Variants in KLB observed in about 807,000 individuals in gnomAD.
KLB encodes klotho beta.
In KLB, 44 loss-of-function variants were observed where a neutral mutation model predicts 88.4. The ratio of observed to expected loss-of-function variants is 0.50; its 90% CI spans 0.39 to 0.64. The LOEUF (loss-of-function observed/expected upper bound fraction) is 0.64, where lower values mean the gene tolerates loss of function less well. Among genes scored for constraint, KLB ranks in the 30% least tolerant of loss-of-function variants. The probability of loss-of-function intolerance (pLI) is 0.00; values close to 1 mark genes in which losing one functional copy is unlikely to be tolerated. For synonymous variants in KLB, 548 were observed against 513.4 expected (o/e 1.07, Z -0.91); for missense variants, 1,137 against 1,304.8 (o/e 0.87, Z 1.98).
chr4:39,448,342 T>G lies in KLB; in HGVS notation c.2791T>G (p.Phe931Val). 1.9e-6 allele frequency: 3 copies of G among 1,612,364 alleles called. No homozygotes were observed. The highest frequency in any genetic ancestry group is 2.5e-6 in the Non-Finnish European group (3 of 1,178,672). ...DKVRIKGYYA[F>V]KLAEEKSKPR... ...AGTCAGAATCAAAGGCTATTATGCA[T>G]TCAAACTGGCTGAAGAGAAATCTAA... The change falls in exon 5 of 5, where the codon TTC becomes GTC. Residue 931 changes from phenylalanine (F) to valine (V), a missense_variant. Around this residue, in one of 4 missense-constraint regions of KLB, gnomAD observed 426 missense variants for 404.6 expected, o/e 1.05. Coordinates refer to ENST00000257408, the MANE Select transcript of KLB (RefSeq NM_175737.4).
chr4:39,419,999 A>T (rs976488693), intron 1 of KLB, among the ~76,000 whole-genome samples: 1 of 151,898 alleles, frequency 6.6e-6, no homozygotes, highest in African/African-American at 2.4e-5. Context: ...GATTAAAACT[A>T]CTGAACATTA....
In KLB at chr4:39,434,558, G is replaced by C; in HGVS notation, c.1174G>C (p.Val392Leu). ...CACCATGGCTAAAATGGGACAAAAT[G>C]TTTCACTTAATTTAAGAGAAGCGCT... ...LNTMAKMGQN[V>L]SLNLREALNW... Residue 392 changes from valine to leucine, a missense_variant, in exon 2 of 5, where the codon GTT (valine) becomes CTT (leucine). Around this residue, in one of 4 missense-constraint regions of KLB, gnomAD observed 597 missense variants for 765.2 expected, o/e 0.78. Transcript: ENST00000257408. 6.2e-7 allele frequency: 1 copy of C among 1,614,158 alleles called. No homozygotes were observed. The highest frequency in any genetic ancestry group is 8.5e-7 in the Non-Finnish European group (1 of 1,180,032).
In KLB at chr4:39,448,483, C is replaced by CA. The variant is rs1434652520; in HGVS notation, c.2933dup (p.Thr979AspfsTer66). Reference sequence around the variant, plus strand: ...TGAGAACAGTAGTTCTAGATGCAGTCAGACCCAAGAAAATACAGAGTGCAC... The same window carrying CA: ...TGAGAACAGTAGTTCTAGATGCAGTCAAGACCCAAGAAAATACAGAGTGCAC... On this transcript the variant is annotated frameshift_variant, in exon 5 of 5. Coordinates refer to ENST00000257408, the MANE Select transcript of KLB (RefSeq NM_175737.4). LOFTEE classifies it low-confidence loss of function (END_TRUNC). The CA allele has an allele frequency of 1.2e-6, 2 of 1,613,966 alleles. No homozygotes were observed. Among genetic ancestry groups the CA allele is most frequent in the Non-Finnish European group, 1.7e-6 (2 of 1,179,930 alleles).
chr4:39,435,559 G>A (rs1743456364), intron 2 of KLB, among the ~76,000 whole-genome samples: 1 of 152,144 alleles, frequency 6.6e-6, no homozygotes, highest in African/African-American at 2.4e-5. Context: ...CCGAGTAGCT[G>A]GGATTACAGG....
chr4:39,432,885 T>C (rs1743393333), intron 1 of KLB, among the ~76,000 whole-genome samples: 2 of 152,068 alleles, frequency 1.3e-5, no homozygotes. Context: ...TAGGGGATTT[T>C]TTTTTTTTTT....
chr4:39,447,600 T>C (rs191284826), intron 4 of KLB, 125 bp downstream of exon 4: 70 of 766,748 alleles, frequency 9.1e-5, no homozygotes, highest in African/African-American at 1.8e-4. Flanking sequence ...GTCCTGTCAA[T>C]TGAATTTTGT....
At chr4:39,410,126 T>C (rs924067387) in intron 1 of KLB, among the ~76,000 whole-genome samples, 1 of 152,208 alleles carries the variant, frequency 6.6e-6, no homozygotes, top group Non-Finnish European at 1.5e-5. Context: ...AGAAAAATAT[T>C]CTAAATTGTT....
At chr4:39,413,852 A>G (rs1377500194) in intron 1 of KLB, among the ~76,000 whole-genome samples, 4 of 152,260 alleles carry the variant, frequency 2.6e-5, no homozygotes, top group Admixed American at 6.5e-5. Flanking sequence ...GGTTAGGGGG[A>G]AAATGTTATC....
At chr4:39,442,058 A>G (rs1428670641) in intron 3 of KLB, among the ~76,000 whole-genome samples, 1 of 152,130 alleles carries the variant, frequency 6.6e-6, no homozygotes, top group South Asian at 2.1e-4. Context: ...CCTGGCCATT[A>G]TGGCAAAACC....
rs144449983 is a variant in KLB, at chr4:39,446,854, G to A, written c.2128G>A (p.Gly710Arg). ...IYNRSGNDTY[G>R]AAHNLLVAHA... ...CAACCGCTCTGGCAACGACACCTAC[G>A]GGGCGGCGCACAACCTGCTGGTGGC... Residue 710 changes from glycine (G) to arginine (R), a missense_variant, in exon 4 of 5, where the codon GGG (glycine) becomes AGG (arginine). Gly to Arg is a moderately radical substitution (Grantham distance 125). Around this residue, in one of 4 missense-constraint regions of KLB, gnomAD observed 597 missense variants for 765.2 expected, o/e 0.78. Coordinates refer to ENST00000257408, the MANE Select transcript of KLB (RefSeq NM_175737.4). This position sits in a 1 kb window ranked among gnomAD's most constrained non-coding sequence, Gnocchi z 6.4. The A allele has an allele frequency of 1.1e-4, 175 of 1,611,344 alleles. No individual in the cohort carries two copies. In the African/African-American group the frequency reaches 1.7e-3, roughly 16 times the overall value.
rs751169218 is a variant in KLB, at chr4:39,407,477, T to C, written c.528T>C (p.Ser176=). 2.0e-5 allele frequency: 33 copies of C among 1,614,092 alleles called. No homozygotes were observed. Among genetic ancestry groups the C allele is most frequent in the South Asian group, 1.2e-4 (11 of 91,094 alleles). Residue 176 remains serine (S), a synonymous_variant, in exon 1 of 5, where the codon AGT becomes AGC. Transcript: ENST00000257408. ...VANAKGLQYY[S]TLLDALVLRN... ...ACGCAAAAGGTCTGCAGTACTACAGTACTCTTCTGGACGCTCTAGTGCTTA... is the reference window on the plus strand; with the variant it reads ...ACGCAAAAGGTCTGCAGTACTACAGCACTCTTCTGGACGCTCTAGTGCTTA...
chr4:39,428,019 A>G (rs2109830759), intron 1 of KLB, among the ~76,000 whole-genome samples: 1 of 152,308 alleles, frequency 6.6e-6, no homozygotes, highest in South Asian at 2.1e-4. Context: ...ATCATTCTCA[A>G]ATGCCATTTA....
intron 1 of KLB, among the ~76,000 whole-genome samples, chr4:39,410,719 C>G (rs2109817492): frequency 6.6e-6 from 1 of 152,152 alleles, no homozygotes; most frequent in East Asian, 1.9e-4. Flanking sequence ...GTTTTTAGAC[C>G]GAAAACATTT....
intron 1 of KLB, among the ~76,000 whole-genome samples, chr4:39,411,473 T>G (rs1177268189): frequency 6.6e-6 from 1 of 151,044 alleles, no homozygotes; most frequent in African/African-American, 2.4e-5. Context: ...CCGTCAAAGC[T>G]GTTTTTAACA....
At chr4:39,435,417 C>CAT (rs1560650786) in intron 2 of KLB, among the ~76,000 whole-genome samples, 2 of 151,804 alleles carry the variant, frequency 1.3e-5, no homozygotes, top group Admixed American at 6.6e-5. Flanking sequence ...CGCACCCAGC[C>CAT]TGAAATTTTT....
chr4:39,407,632 T>G lies in KLB; in HGVS notation c.683T>G (p.Met228Arg), dbSNP rs1386240161. The change falls in exon 1 of 5, where the codon ATG (methionine) becomes AGG (arginine). Residue 228 changes from methionine to arginine, a missense_variant. Physicochemically the swap from Met to Arg is moderately conservative, Grantham distance 91 (BLOSUM62 -1). Transcript: ENST00000257408. ...GACTATGCCACATACTGTTTCCAGA[T>G]GTTTGGGGACCGTGTCAAATATTGG... is the stretch of plus-strand genomic sequence containing the variant. ...FNDYATYCFQ[M>R]FGDRVKYWIT... The G allele has an allele frequency of 6.2e-7, 1 of 1,614,078 alleles. No homozygotes were observed. Among genetic ancestry groups the G allele is most frequent in the Admixed American group, 1.7e-5 (1 of 60,008 alleles).
Position 39,434,723 on chromosome 4 carries a change from T to G in KLB, c.1336+3T>G. The G allele has an allele frequency of 6.2e-7, 1 of 1,606,978 alleles. No homozygotes were observed. The highest frequency in any genetic ancestry group is 8.5e-7 in the Non-Finnish European group (1 of 1,176,894). On this transcript the variant is annotated splice_donor_region_variant and intron_variant, in intron 2 of 4. Transcript: ENST00000257408. ...TTTCCTCAGCCAGGTGCTTCAAGGT[T>G]GGTTGTACACTTGCTTAATTTTTTA... is the stretch of plus-strand genomic sequence containing the variant.
rs1013981184 is a variant in KLB at position 39,446,705 on chromosome 4, G to A, written c.1979G>A (p.Gly660Glu). 6.2e-7 allele frequency: 1 copy of A among 1,610,178 alleles called. No homozygotes were observed. Among genetic ancestry groups the A allele is most frequent in the Non-Finnish European group, 8.5e-7 (1 of 1,177,628 alleles). ...GLPEPLLHAD[G>E]WLNPSTAEAF... ...CCCGAGCCTCTGTTGCATGCCGACG[G>A]GTGGCTGAACCCATCGACGGCCGAG... Residue 660 changes from glycine (G) to glutamate (E), a missense_variant, in exon 4 of 5, where the codon GGG becomes GAG. Coordinates refer to ENST00000257408, the MANE Select transcript of KLB (RefSeq NM_175737.4). This position sits in a 1 kb window ranked among gnomAD's most constrained non-coding sequence, Gnocchi z 6.4.
intron 3 of KLB, among the ~76,000 whole-genome samples, chr4:39,442,435 CTTT>C (rs772744557): frequency 2.9e-5 from 4 of 138,468 alleles, no homozygotes; most frequent in Non-Finnish European, 3.1e-5. Flanking sequence ...CCTCTCTCCC[CTTT>C]TTTTTTTTTT....
Sources: gnomAD v4.1 joint callset for allele counts (sites outside exome capture counted in the v4.1 genomes callset) on GRCh38, gnomAD v4.1.1 for gene constraint, gnomAD v4.1.1 regional missense constraint, Gnocchi (gnomAD v3.1) non-coding constraint, MANE v1.5 for transcripts, NCBI Gene and HGNC (gene_info 2026-07-23, HGNC 2026-07-21) for gene names.